The following ACVR2B variants were observed in gnomAD, a reference collection of about 807,000 sequenced individuals.
ACVR2B encodes activin receptor type-2B.
ACVR2B carries 18 observed loss-of-function variants against 65.1 expected under a neutral mutation model. The observed-to-expected ratio is 0.28, with a 90% CI of 0.19 to 0.41. The LOEUF (loss-of-function observed/expected upper bound fraction) is 0.41, where lower values mean the gene tolerates loss of function less well. Ranked by LOEUF, ACVR2B falls within the 10% of genes least tolerant of loss-of-function variation. The pLI is 1.00. For missense variants in ACVR2B, 482 were observed against 682.7 expected (o/e 0.71, Z 3.28); for synonymous variants, 298 against 277.7 (o/e 1.07, Z -0.73).
chr3:38,458,026 C>T (rs901176604), intron 1 of ACVR2B, among the ~76,000 whole-genome samples: 1 of 152,140 alleles, frequency 6.6e-6, no homozygotes, highest in Non-Finnish European at 1.5e-5. Context: ...TCCTCCCTAG[C>T]TCTTAGGGGC....
At chr3:38,460,998 C>T (rs1709636854) in intron 1 of ACVR2B, among the ~76,000 whole-genome samples, 1 of 152,190 alleles carries the variant, frequency 6.6e-6, no homozygotes, top group Non-Finnish European at 1.5e-5. Context: ...AGCTGTTATC[C>T]GTCCATCTGA....
At chr3:38,458,749 T>TG (rs1709591551) in intron 1 of ACVR2B, among the ~76,000 whole-genome samples, 1 of 152,166 alleles carries the variant, frequency 6.6e-6, no homozygotes, top group Non-Finnish European at 1.5e-5. Context: ...GGTTGAGGAC[T>TG]GGGTCTGGAT....
chr3:38,482,319 G>A lies in ACVR2B; in HGVS notation c.1196G>A (p.Arg399His). 1 of 1,611,628 alleles carries A rather than the reference G, an allele frequency of 6.2e-7. No homozygotes were observed. The highest frequency in any genetic ancestry group is 8.5e-7 in the Non-Finnish European group (1 of 1,179,552). The change falls in exon 9 of 11, where the codon CGC becomes CAC. Residue 399 changes from arginine (R) to histidine (H), a missense_variant. This residue lies in a region of ACVR2B where 223 missense variants were observed against 386.3 expected (regional missense o/e 0.58). Transcript: ENST00000352511. ...MGLVLWELVSRCKAADGPVDE... is the reference protein window; with the variant it reads ...MGLVLWELVSHCKAADGPVDE... The stretch of plus-strand genomic sequence containing the variant: ...TTGGTGCTGTGGGAGCTTGTGTCTC[G>A]CTGCAAGGCTGCAGACGGTAAGTAG...
At position 38,477,807 on chromosome 3, in the gene ACVR2B, G is replaced by C; in HGVS notation, c.261-54G>C. ...AGGAGGGGTTGGCAGGGCAGGCCTG[G>C]GGGAGTCTTGCATCCCCCAGGTGAG... On this transcript the variant is annotated intron_variant, in intron 2 of 10. Transcript: ENST00000352511. The surrounding 1 kb of genome is among the most constrained non-coding windows in gnomAD (Gnocchi z 6.7). 6.4e-7 allele frequency: 1 copy of C among 1,564,918 alleles called. No individual in the cohort carries two copies. Among genetic ancestry groups the C allele is most frequent in the Non-Finnish European group, 8.8e-7 (1 of 1,135,374 alleles).
At chr3:38,466,101 A>G (rs1709722041) in intron 1 of ACVR2B, among the ~76,000 whole-genome samples, 1 of 152,226 alleles carries the variant, frequency 6.6e-6, no homozygotes, top group Non-Finnish European at 1.5e-5. Flanking sequence ...TAAGTGAAAT[A>G]AGCCAGACAT....
In ACVR2B at chr3:38,483,084, C is replaced by G. The variant is rs926033416; in HGVS notation, c.1345-54C>G. 1.9e-6 allele frequency: 3 copies of G among 1,603,778 alleles called. No individual in the cohort carries two copies. The highest frequency in any genetic ancestry group is 2.6e-6 in the Non-Finnish European group (3 of 1,171,028). On this transcript the variant is annotated intron_variant, in intron 10 of 10. Coordinates refer to ENST00000352511, the MANE Select transcript of ACVR2B (RefSeq NM_001106.4). This position sits in a 1 kb window ranked among gnomAD's most constrained non-coding sequence, Gnocchi z 4.8. ...AGTTTACTGTCCCCCAAAGCTTTTC[C>G]TCACTGAAGGGTCCTAACAAAGGTG...
At position 38,488,235 on chromosome 3, in the gene ACVR2B, C is replaced by T. The variant is rs898631965; in HGVS notation, c.*4903C>T. On this transcript the variant is annotated 3_prime_UTR_variant, in exon 11 of 11. Coordinates refer to ENST00000352511, the MANE Select transcript of ACVR2B (RefSeq NM_001106.4). ...CAGGCCCAGTAATTCAGTTGATGAACTGTATATCTTCTCAGTCTAGATTTG... is the reference window on the plus strand; with the variant it reads ...CAGGCCCAGTAATTCAGTTGATGAATTGTATATCTTCTCAGTCTAGATTTG... 2 of 152,142 alleles carry T rather than the reference C, an allele frequency of 1.3e-5. No homozygotes were observed. The highest frequency in any genetic ancestry group is 2.9e-5 in the Non-Finnish European group (2 of 68,034). 9.4% of individuals were successfully genotyped at this position (152,142 alleles called of 1,614,324 possible).
At chr3:38,480,243 ACT>A (rs1230213002) in intron 7 of ACVR2B, among the ~76,000 whole-genome samples, 2 of 152,002 alleles carry the variant, frequency 1.3e-5, no homozygotes, top group East Asian at 1.9e-4. Flanking sequence ...CCTCGGGAAA[ACT>A]CTATGCTCCT....
chr3:38,459,534 G>C, intron 1 of ACVR2B: 2 of 971,196 alleles, frequency 2.1e-6, no homozygotes, highest in Non-Finnish European at 2.4e-6. Flanking sequence ...GGCTAGCCCT[G>C]TCTGCCAAGC....
In ACVR2B at chr3:38,489,051, AG is replaced by A. The variant is rs1710169115; in HGVS notation, c.*5720del. On this transcript the variant is annotated 3_prime_UTR_variant, in exon 11 of 11. Transcript: ENST00000352511. ...ACAGTTATGAAAAATATGACCCACA[AG>A]TTTTTCAGGCAGGTGAGGATGGGTC... 6.6e-6 allele frequency: 1 copy of A among 152,302 alleles called. No homozygotes were observed. The highest frequency in any genetic ancestry group is 1.5e-5 in the Non-Finnish European group (1 of 68,036). The allele number at this position is 152,302 out of a possible 1,614,324, so 9.4% of individuals were successfully genotyped here.
intron 1 of ACVR2B, chr3:38,454,616 T>G: frequency 8.9e-6 from 3 of 335,690 alleles, no homozygotes; most frequent in East Asian, 4.5e-5. Flanking sequence ...GCCCCTGCGA[T>G]GGGGGCCGGG....
intron 1 of ACVR2B, among the ~76,000 whole-genome samples, chr3:38,471,288 G>A (rs2276541): frequency 0.49 from 73,780 of 152,088 alleles, 19,989 homozygotes; most frequent in Non-Finnish European, 0.61. Context: ...GGAAATGTTA[G>A]TAATCACAAG....
rs192565300 is a variant in ACVR2B, at chr3:38,478,526, T to A, written c.666+8T>A. ...AAGATCTTCCCACTCCAGGTGAGTG[T>A]TTGAGGGGCTCCATCCAGGTCCTCT... is the stretch of plus-strand genomic sequence containing the variant. On this transcript the variant is annotated splice_region_variant and intron_variant, in intron 5 of 10. Coordinates refer to ENST00000352511, the MANE Select transcript of ACVR2B (RefSeq NM_001106.4). 60 of 1,614,022 alleles carry A rather than the reference T, an allele frequency of 3.7e-5. No homozygotes were observed. The highest frequency in any genetic ancestry group is 3.3e-4 in the Middle Eastern group (2 of 6,038).
chr3:38,478,659 A>C lies in ACVR2B; in HGVS notation c.666+141A>C, dbSNP rs1369861293. On this transcript the variant is annotated intron_variant, in intron 5 of 10. Transcript: ENST00000352511. Reference sequence around the variant, plus strand: ...TGAGCCTTACTGGGCCTAGTTACTCATGTTACACTTGGCTGGTCTGTAGAT... The same window carrying C: ...TGAGCCTTACTGGGCCTAGTTACTCCTGTTACACTTGGCTGGTCTGTAGAT... The C allele has an allele frequency of 2.5e-6, 3 of 1,184,866 alleles. No homozygotes were observed. The East Asian group carries it at 7.4e-5, about 29-fold the overall frequency. 73.4% of individuals were successfully genotyped at this position (1,184,866 alleles called of 1,614,324 possible).
chr3:38,462,006 A>T (rs1709656237), intron 1 of ACVR2B, among the ~76,000 whole-genome samples: 1 of 152,092 alleles, frequency 6.6e-6, no homozygotes, highest in Non-Finnish European at 1.5e-5. Flanking sequence ...CAGCCTGACC[A>T]ACATGGAGAA....
intron 1 of ACVR2B, chr3:38,476,293 C>G (rs13098946): frequency 0.49 from 74,043 of 151,892 alleles, 20,223 homozygotes; most frequent in Non-Finnish European, 0.62. Flanking sequence ...GGGTTGAAGT[C>G]GTTGTCCACC....
rs558317334 is a variant in ACVR2B at position 38,465,196 on chromosome 3, A to G, written c.52+10822A>G. 2.0e-5 allele frequency among the ~76,000 whole-genome samples: 3 copies of G among 152,166 alleles called. No individual in the cohort carries two copies. The East Asian group carries it at 5.8e-4, about 30-fold the overall frequency. Reference sequence around the variant, plus strand: ...GGTGGATCACGAGGACAGGAGTTCAAGACCAACCTGGCCAACATGGTGAAA... The same window carrying G: ...GGTGGATCACGAGGACAGGAGTTCAGGACCAACCTGGCCAACATGGTGAAA... On this transcript the variant is annotated intron_variant, in intron 1 of 10. Coordinates refer to ENST00000352511, the MANE Select transcript of ACVR2B (RefSeq NM_001106.4).
Position 38,491,833 on chromosome 3 carries a change from G to A in ACVR2B, c.*8501G>A, listed in dbSNP as rs2059812500. The A allele has an allele frequency of 6.6e-6, 1 of 152,030 alleles. No homozygotes were observed. The highest frequency in any genetic ancestry group is 1.5e-5 in the Non-Finnish European group (1 of 67,998). The allele number at this position is 152,030 out of a possible 1,614,324, so 9.4% of individuals were successfully genotyped here. A position where few individuals can be genotyped will look rare whatever the true frequency, so the allele number is the denominator to read the frequency against. On this transcript the variant is annotated 3_prime_UTR_variant, in exon 11 of 11. Coordinates refer to ENST00000352511, the MANE Select transcript of ACVR2B (RefSeq NM_001106.4). ...GTGGTACTTCAGAATTGAGGGAGAGGGTTACCGCAGAGTAGAAATATATTT... is the reference window on the plus strand; with the variant it reads ...GTGGTACTTCAGAATTGAGGGAGAGAGTTACCGCAGAGTAGAAATATATTT...
In ACVR2B at chr3:38,481,603, CTT is replaced by C. The variant is rs1710018986; in HGVS notation, c.1074+139_1074+140del. ...CTGTCTGAGAACTTAGAGCAATGCT[CTT>C]GTTTGACCAGTGGAGAAACCAAGAC... On this transcript the variant is annotated intron_variant, in intron 8 of 10. Coordinates refer to ENST00000352511, the MANE Select transcript of ACVR2B (RefSeq NM_001106.4). This position sits in a 1 kb window ranked among gnomAD's most constrained non-coding sequence, Gnocchi z 4.7. 1.4e-6 allele frequency: 1 copy of C among 731,236 alleles called. No individual in the cohort carries two copies. Among genetic ancestry groups the C allele is most frequent in the Non-Finnish European group, 2.4e-6 (1 of 413,432 alleles). 45.3% of individuals were successfully genotyped at this position (731,236 alleles called of 1,614,324 possible). A position where few individuals can be genotyped will look rare whatever the true frequency, so the allele number is the denominator to read the frequency against.
Sources: allele counts gnomAD v4.1 joint callset (sites outside exome capture counted in the v4.1 genomes callset), GRCh38; gene constraint gnomAD v4.1.1; regional missense constraint gnomAD v4.1.1; non-coding constraint Gnocchi (gnomAD v3.1); transcripts MANE v1.5; gene names NCBI Gene and HGNC (gene_info 2026-07-23, HGNC 2026-07-21).